Variants in POLR1D observed in about 807,000 individuals in gnomAD.
POLR1D encodes the protein RNA polymerase I and III subunit D.
A neutral mutation model predicts 10.8 loss-of-function variants in POLR1D; 8 were observed. The observed-to-expected ratio is 0.74, with a 90% confidence interval of 0.43 to 1.33. The LOEUF is 1.33. Ranked by LOEUF, POLR1D falls within the 40% of genes most tolerant of loss-of-function variation. The pLI is 0.01. For missense variants in POLR1D, 152 were observed against 161.7 expected (o/e 0.94, Z 0.32); for synonymous variants, 54 against 57.2 (o/e 0.94, Z 0.25).
At chr13:27,658,280 G>A (rs1423354847) in intron 2 of POLR1D, among the ~76,000 whole-genome samples, 1 of 152,158 alleles carries the variant, frequency 6.6e-6, no homozygotes, top group East Asian at 1.9e-4. Flanking sequence ...AATGATACCA[G>A]CCTGCTCTGC....
chr13:27,653,989 C>T (rs1285004556), intron 2 of POLR1D, among the ~76,000 whole-genome samples: 3 of 152,162 alleles, frequency 2.0e-5, no homozygotes, highest in African/African-American at 7.2e-5. Flanking sequence ...CTAAAGTTGT[C>T]AGGATAAATG....
intron 2 of POLR1D, chr13:27,651,546 C>G (rs1029623601): frequency 1.3e-5 from 2 of 151,984 alleles, no homozygotes; most frequent in East Asian, 3.9e-4. Context: ...ATGAAATAAT[C>G]CAATGTGAGT....
intron 1 of POLR1D, among the ~76,000 whole-genome samples, chr13:27,630,998 C>A (rs374574921): frequency 6.6e-6 from 1 of 152,210 alleles, no homozygotes; most frequent in Non-Finnish European, 1.5e-5. Context: ...ACTTCCCGAA[C>A]CTCTCTTCCC....
At chr13:27,629,686 G>A (rs191808748) in intron 1 of POLR1D, among the ~76,000 whole-genome samples, 11 of 151,768 alleles carry the variant, frequency 7.2e-5, no homozygotes, top group Middle Eastern at 3.4e-3. Flanking sequence ...GAGAAAAGTC[G>A]CAGACAAATT....
At chr13:27,625,840 T>C (rs188288110), downstream of POLR1D, among the ~76,000 whole-genome samples, 10 of 152,186 alleles carry the variant, frequency 6.6e-5, no homozygotes, top group African/African-American at 2.2e-4. Context: ...AAATAGGGAA[T>C]AGAAAAATGT....
At chr13:27,656,696 A>G (rs988110226) in intron 2 of POLR1D, among the ~76,000 whole-genome samples, 1 of 152,172 alleles carries the variant, frequency 6.6e-6, no homozygotes, top group Non-Finnish European at 1.5e-5. Flanking sequence ...GCCATGGGCA[A>G]AATGTTGAGT....
At chr13:27,634,546 A>G (rs534719494) in intron 1 of POLR1D, among the ~76,000 whole-genome samples, 30 of 152,290 alleles carry the variant, frequency 2.0e-4, no homozygotes, top group African/African-American at 6.3e-4. Context: ...TCCTCCTTCA[A>G]GGTAGATAGT....
At chr13:27,642,932 T>A (rs1315632105) in intron 1 of POLR1D, among the ~76,000 whole-genome samples, 1 of 152,174 alleles carries the variant, frequency 6.6e-6, no homozygotes, top group Non-Finnish European at 1.5e-5. Context: ...CAACAAAGGA[T>A]CTCATTAATT....
chr13:27,662,648 C>T (rs1014737792), intron 2 of POLR1D, among the ~76,000 whole-genome samples: 8 of 152,138 alleles, frequency 5.3e-5, no homozygotes, highest in Non-Finnish European at 1.2e-4. Flanking sequence ...TCATTAAATC[C>T]TCACAATAAC....
chr13:27,667,265 T>A (rs1359391287), exon 3 of POLR1D: 1 of 152,236 alleles, frequency 6.6e-6, no homozygotes, highest in Non-Finnish European at 1.5e-5. Context: ...TTGCTTCATC[T>A]GACTTTATTC....
rs900911938 is a variant in POLR1D, at chr13:27,630,038, T to C, written c.26+8029T>C. 6.6e-5 allele frequency among the ~76,000 whole-genome samples: 10 copies of C among 152,190 alleles called. No individual in the cohort carries two copies. In the East Asian group the frequency reaches 1.9e-3, roughly 30 times the overall value. On this transcript the variant is annotated intron_variant, in intron 1 of 2. Coordinates refer to the POLR1D transcript ENST00000399697. ...GAGATTCTTCTGCCTCAGCCTCCTG[T>C]GTAGCTGGGACTACAGGCACCCGCC... is the stretch of plus-strand genomic sequence containing the variant.
chr13:27,640,631 G>A (rs1167844669), intron 1 of POLR1D, among the ~76,000 whole-genome samples: 3 of 152,072 alleles, frequency 2.0e-5, no homozygotes, highest in African/African-American at 7.2e-5. Context: ...GTAACATTTT[G>A]CAATCTTAAA....
At chr13:27,624,770 C>T (rs549186205), downstream of POLR1D, among the ~76,000 whole-genome samples, 10 of 152,156 alleles carry the variant, frequency 6.6e-5, no homozygotes, top group African/African-American at 2.2e-4. Flanking sequence ...TGCCTGTAGT[C>T]CCAGCTGCTT....
chr13:27,655,351 A>G (rs1176867078), intron 2 of POLR1D, among the ~76,000 whole-genome samples: 1 of 152,236 alleles, frequency 6.6e-6, no homozygotes, highest in Non-Finnish European at 1.5e-5. Flanking sequence ...GATCTCAAAG[A>G]CATTCTCATG....
chr13:27,643,432 G>C (rs549642409), intron 1 of POLR1D, among the ~76,000 whole-genome samples: 1 of 152,188 alleles, frequency 6.6e-6, no homozygotes, highest in East Asian at 1.9e-4. Flanking sequence ...ATTAAATAAG[G>C]ATATTTCTGA....
intron 1 of POLR1D, among the ~76,000 whole-genome samples, chr13:27,644,806 A>G (rs1162496834): frequency 6.6e-6 from 1 of 152,078 alleles, no homozygotes. Flanking sequence ...TACAGTTTAT[A>G]CTTCTTTCAT....
intron 1 of POLR1D, 70 bp downstream of exon 1, chr13:27,622,079 G>C (rs1955940608): frequency 1.5e-6 from 2 of 1,348,102 alleles, no homozygotes; most frequent in South Asian, 2.5e-5. Flanking sequence ...GGGGCACGCT[G>C]CCTGGCCTGG....
In POLR1D at chr13:27,621,937, C is replaced by T. The variant is rs749220350; in HGVS notation, c.-47C>T. On this transcript the variant is annotated 5_prime_UTR_variant, in exon 1 of 2. Transcript: ENST00000302979. ...CCGCGCCTCGCGCTATGGGACAGAG[C>T]CCCCGATCCGCCAGCACCACCTGAG... 80 of 1,566,950 alleles carry T rather than the reference C, an allele frequency of 5.1e-5. No homozygotes were observed. The highest frequency in any genetic ancestry group is 6.3e-5 in the Non-Finnish European group (73 of 1,152,922).
At chr13:27,638,418 A>C (rs1381047684) in intron 1 of POLR1D, among the ~76,000 whole-genome samples, 1 of 152,252 alleles carries the variant, frequency 6.6e-6, no homozygotes, top group African/African-American at 2.4e-5. Flanking sequence ...ATCTTGAAAT[A>C]GCATTTTCAA....
Sources: allele counts gnomAD v4.1 joint callset (sites outside exome capture counted in the v4.1 genomes callset), GRCh38; gene constraint gnomAD v4.1.1; transcripts MANE v1.5; gene names NCBI Gene and HGNC (gene_info 2026-07-23, HGNC 2026-07-21).